The following IMPG1 variants were observed in gnomAD, a reference collection of about 807,000 sequenced individuals.
IMPG1 encodes interphotoreceptor matrix proteoglycan 1, also known as interphotoreceptor matrix proteoglycan of 150 kDa.
IMPG1 carries 85 observed loss-of-function variants against 92.0 expected under a neutral mutation model. The ratio of observed to expected loss-of-function variants is 0.92; its 90% CI spans 0.78 to 1.11. The LOEUF (loss-of-function observed/expected upper bound fraction) is 1.11, where lower values mean the gene tolerates loss of function less well. IMPG1 is among the 50% of genes least tolerant of loss of function. The pLI is 0.00. For synonymous variants in IMPG1, 367 were observed against 334.1 expected (o/e 1.10, Z -1.08); for missense variants, 1,022 against 956.0 (o/e 1.07, Z -0.91).
In IMPG1 at chr6:75,949,438, A is replaced by C. The variant is rs147041170; in HGVS notation, c.1824+1124T>G. Among the ~76,000 whole-genome samples the C allele has an allele frequency of 6.3e-3, 952 of 152,298 alleles. 20 individuals are homozygous for C. Among genetic ancestry groups the C allele is most frequent in the East Asian group, 0.054 (280 of 5,184 alleles). On this transcript the variant is annotated intron_variant, in intron 13 of 16. Coordinates refer to ENST00000369950, the MANE Select transcript of IMPG1 (RefSeq NM_001563.4). ...CAGGAAGTTACCCTATATGGTCTAAAAAGGGGAGGCATGAATAATCCACCC... is the reference window on the plus strand; with the variant it reads ...CAGGAAGTTACCCTATATGGTCTAACAAGGGGAGGCATGAATAATCCACCC...
At chr6:75,972,325 T>C (rs1475796190) in intron 12 of IMPG1, among the ~76,000 whole-genome samples, 1 of 152,210 alleles carries the variant, frequency 6.6e-6, no homozygotes, top group Non-Finnish European at 1.5e-5. Flanking sequence ...TCAAGAATTG[T>C]TCCTGACAAT....
intron 12 of IMPG1, among the ~76,000 whole-genome samples, chr6:76,000,534 A>C (rs951038596): frequency 4.6e-5 from 7 of 152,348 alleles, no homozygotes; most frequent in Non-Finnish European, 8.8e-5. Flanking sequence ...CAAAATTAAA[A>C]AAATTTAATG....
intron 14 of IMPG1, among the ~76,000 whole-genome samples, chr6:75,935,512 C>T (rs1445555877): frequency 1.3e-5 from 2 of 152,204 alleles, no homozygotes; most frequent in Non-Finnish European, 2.9e-5. Context: ...CTCGCTCCTG[C>T]TGGCTGCTGC....
chr6:75,969,593 T>C (rs1358916772), intron 12 of IMPG1, among the ~76,000 whole-genome samples: 3 of 151,840 alleles, frequency 2.0e-5, no homozygotes, highest in Non-Finnish European at 4.4e-5. Context: ...AATACAAAAT[T>C]AGCTGGGTGA....
intron 14 of IMPG1, among the ~76,000 whole-genome samples, chr6:75,944,604 T>C (rs1393953765): frequency 6.6e-6 from 1 of 152,234 alleles, no homozygotes; most frequent in Non-Finnish European, 1.5e-5. Flanking sequence ...TATTATTTTA[T>C]GAGTTTTCAA....
intron 4 of IMPG1, among the ~76,000 whole-genome samples, chr6:76,033,496 A>C (rs1490501270): frequency 3.3e-5 from 5 of 152,228 alleles, no homozygotes; most frequent in African/African-American, 9.6e-5. Context: ...ATCTAACAGC[A>C]GTTGTGCAAG....
intron 15 of IMPG1, among the ~76,000 whole-genome samples, chr6:75,926,355 A>G (rs949540939): frequency 2.0e-5 from 3 of 152,216 alleles, no homozygotes; most frequent in African/African-American, 7.2e-5. Context: ...CAGTGGAGAA[A>G]GAGCTCCAAA....
intron 12 of IMPG1, among the ~76,000 whole-genome samples, chr6:75,980,278 G>T (rs1397161854): frequency 6.6e-6 from 1 of 152,192 alleles, no homozygotes; most frequent in Non-Finnish European, 1.5e-5. Flanking sequence ...TTTCTGAAAA[G>T]ACTTAAACAT....
chr6:76,011,203 G>T lies in IMPG1; in HGVS notation c.829C>A (p.Leu277Ile). 6.4e-7 allele frequency: 1 copy of T among 1,553,366 alleles called. No individual in the cohort carries two copies. The highest frequency in any genetic ancestry group is 1.1e-5 in the South Asian group (1 of 89,296). ...ACATGGATTTTTTTGAATCCTGGAA[G>T]TTTCTTAAATATCTTTTGCATCTGC... is the stretch of plus-strand genomic sequence containing the variant. ...QLQMQKIFKK[L>I]PGFKKIHVLG... The change falls in exon 8 of 17, where the codon CTT becomes ATT. Residue 277 changes from leucine (L) to isoleucine (I), a missense_variant. Coordinates refer to ENST00000369950, the MANE Select transcript of IMPG1 (RefSeq NM_001563.4).
chr6:75,959,754 T>C (rs1782185084), intron 12 of IMPG1, among the ~76,000 whole-genome samples: 3 of 152,312 alleles, frequency 2.0e-5, no homozygotes, highest in African/African-American at 7.2e-5. Context: ...CAGACTGCTG[T>C]GCTGGCAGTG....
intron 12 of IMPG1, among the ~76,000 whole-genome samples, chr6:75,955,202 G>A (rs1022426474): frequency 6.6e-6 from 1 of 152,124 alleles, no homozygotes; most frequent in Non-Finnish European, 1.5e-5. Context: ...ATTACTTTGG[G>A]CAGTATGGAC....
At chr6:76,004,687 C>T (rs1311939427) in intron 10 of IMPG1, among the ~76,000 whole-genome samples, 1 of 152,132 alleles carries the variant, frequency 6.6e-6, no homozygotes, top group East Asian at 1.9e-4. Flanking sequence ...ACTCTCCCCT[C>T]CCCTCCCTGC....
intron 1 of IMPG1, among the ~76,000 whole-genome samples, chr6:76,048,807 A>T (rs1432468564): frequency 6.6e-6 from 1 of 152,270 alleles, no homozygotes; most frequent in Non-Finnish European, 1.5e-5. Context: ...ACCTAAGGAC[A>T]GAAATACCAT....
chr6:75,937,997 A>G (rs184957967), intron 14 of IMPG1, among the ~76,000 whole-genome samples: 4 of 152,340 alleles, frequency 2.6e-5, no homozygotes, highest in Admixed American at 1.3e-4. Context: ...AGACGACTCT[A>G]GTTGCTGGAG....
intron 10 of IMPG1, among the ~76,000 whole-genome samples, chr6:76,004,292 T>C (rs1304505248): frequency 1.3e-5 from 2 of 152,098 alleles, no homozygotes; most frequent in South Asian, 4.1e-4. Context: ...AGAAACAAAA[T>C]GACTAGAATA....
chr6:75,969,768 C>A (rs537655182), intron 12 of IMPG1, among the ~76,000 whole-genome samples: 1 of 151,062 alleles, frequency 6.6e-6, no homozygotes, highest in Non-Finnish European at 1.5e-5. Context: ...ACAAACAGCA[C>A]AAAAGCTTCT....
chr6:75,926,023 C>G (rs1377553764), intron 15 of IMPG1, among the ~76,000 whole-genome samples: 2 of 152,124 alleles, frequency 1.3e-5, no homozygotes, highest in African/African-American at 4.8e-5. Context: ...CCCCATCCCA[C>G]CACCTAAGGC....
chr6:75,995,463 C>G (rs1333044070), intron 12 of IMPG1, among the ~76,000 whole-genome samples: 1 of 152,170 alleles, frequency 6.6e-6, no homozygotes, highest in Non-Finnish European at 1.5e-5. Context: ...ATGTGCCACA[C>G]CACTGCCAGC....
At chr6:76,028,590 G>A (rs893376500) in intron 4 of IMPG1, among the ~76,000 whole-genome samples, 3 of 152,236 alleles carry the variant, frequency 2.0e-5, no homozygotes, top group African/African-American at 7.2e-5. Flanking sequence ...AGCACTTTGG[G>A]AGGCCGAGGC....
Sources: allele counts gnomAD v4.1 joint callset (sites outside exome capture counted in the v4.1 genomes callset), GRCh38; gene constraint gnomAD v4.1.1; transcripts MANE v1.5; gene names NCBI Gene and HGNC (gene_info 2026-07-23, HGNC 2026-07-21).